KIF13A: variants seen among roughly 807,000 people sequenced by gnomAD.
The protein encoded by KIF13A is kinesin-like protein KIF13A.
A neutral mutation model predicts 212.2 loss-of-function variants in KIF13A; 79 were observed. That is an observed-to-expected ratio of 0.37 (90% CI 0.31 to 0.45). The LOEUF (loss-of-function observed/expected upper bound fraction) is 0.45, where lower values mean the gene tolerates loss of function less well. Among genes scored for constraint, KIF13A ranks in the 20% least tolerant of loss-of-function variants. KIF13A has a pLI of 1.00. For missense variants in KIF13A, 1,901 were observed against 2,209.0 expected (o/e 0.86, Z 2.79); for synonymous variants, 789 against 808.6 (o/e 0.98, Z 0.41).
At chr6:17,887,691 T>C (rs186817944) in intron 3 of KIF13A, among the ~76,000 whole-genome samples, 2 of 152,248 alleles carry the variant, frequency 1.3e-5, no homozygotes, top group Admixed American at 6.5e-5. Context: ...TTCCTTTACA[T>C]ACATCTTGAT....
rs1202537616 is a variant in KIF13A at position 17,850,421 on chromosome 6, G to T, written c.619C>A (p.Arg207=). The change falls in exon 8 of 39, where the codon CGA becomes AGA. Residue 207 remains arginine (R), a synonymous_variant. Coordinates refer to ENST00000259711, the MANE Select transcript of KIF13A (RefSeq NM_022113.6). This position sits in a 1 kb window ranked among gnomAD's most constrained non-coding sequence, Gnocchi z 6.2. Reference sequence around the variant, plus strand: ...TTCATGTTGGTAGCAGCTACCGTTCGAGACTTATTTCCCTCAGACATCAAT... The same window carrying T: ...TTCATGTTGGTAGCAGCTACCGTTCTAGACTTATTTCCCTCAGACATCAAT... ...ESLMSEGNKS[R]TVAATNMNEE... is the part of the protein sequence containing the mutation. 5 of 1,613,688 alleles carry T rather than the reference G, an allele frequency of 3.1e-6. No homozygotes were observed. The highest frequency in any genetic ancestry group is 4.2e-6 in the Non-Finnish European group (5 of 1,179,770).
At position 17,874,977 on chromosome 6, in the gene KIF13A, CCACACA is replaced by C. The variant is rs879821124; in HGVS notation, c.160-1546_160-1541del. ...CTTTTTATGGCTAAGTAGTATTCCA[CCACACA>C]CACACACACGCACACGCACGCACAC... On this transcript the variant is annotated intron_variant, in intron 3 of 38. Transcript: ENST00000259711. 4.4e-5 allele frequency among the ~76,000 whole-genome samples: 4 copies of C among 90,690 alleles called. No homozygotes were observed. The East Asian group carries it at 1.3e-3, about 29-fold the overall frequency. 59.5% of individuals were successfully genotyped at this position (90,690 alleles called of 152,430 possible).
rs1775626248 is a variant in KIF13A, at chr6:17,927,895, C to A, written c.147-29715G>T. Among the ~76,000 whole-genome samples the A allele has an allele frequency of 2.0e-5, 3 of 152,224 alleles. No individual in the cohort carries two copies. In the South Asian group the frequency reaches 6.2e-4, roughly 32 times the overall value. ...AGCCCGTGCAGCACCAGAGCAGCACCCCCTACACTCCAGAGGCTGGCACCA... is the reference window on the plus strand; with the variant it reads ...AGCCCGTGCAGCACCAGAGCAGCACACCCTACACTCCAGAGGCTGGCACCA... On this transcript the variant is annotated intron_variant, in intron 2 of 38. Transcript: ENST00000259711.
chr6:17,779,052 T>G lies in KIF13A; in HGVS notation c.3987A>C (p.Ala1329=), dbSNP rs1414578730. ...EDRETLALLA[A]RSENEGTSDG... Reference sequence around the variant, plus strand: ...CTGATGTGCCTTCGTTTTCACTCCTTGCTGCCAGGAGAGCCAGCGTTTCCC... The same window carrying G: ...CTGATGTGCCTTCGTTTTCACTCCTGGCTGCCAGGAGAGCCAGCGTTTCCC... The change falls in exon 33 of 39, where the codon GCA becomes GCC. Residue 1329 remains alanine (A), a synonymous_variant. Transcript: ENST00000259711. 6.2e-7 allele frequency: 1 copy of G among 1,613,696 alleles called. No homozygotes were observed. Among genetic ancestry groups the G allele is most frequent in the Non-Finnish European group, 8.5e-7 (1 of 1,179,790 alleles).
chr6:17,831,293 G>A, intron 12 of KIF13A, 58 bp from the exon 13 acceptor site: 7 of 1,571,074 alleles, frequency 4.5e-6, no homozygotes, highest in Non-Finnish European at 3.5e-6. Flanking sequence ...TTCACAAGAT[G>A]TATCCACGGA....
Position 17,888,809 on chromosome 6 carries a change from A to G in KIF13A, c.159+9359T>C, listed in dbSNP as rs996262261. 6.6e-6 allele frequency among the ~76,000 whole-genome samples: 1 copy of G among 152,210 alleles called. No homozygotes were observed. Among genetic ancestry groups the G allele is most frequent in the Non-Finnish European group, 1.5e-5 (1 of 68,046 alleles). On this transcript the variant is annotated intron_variant, in intron 3 of 38. Transcript: ENST00000259711. This position sits in a 1 kb window ranked among gnomAD's most constrained non-coding sequence, Gnocchi z 4.8. ...CACTGCACTCCAGCCTGGGTGACAG[A>G]GTGAGACCCTATCTCAAAAAAACAA...
intron 16 of KIF13A, among the ~76,000 whole-genome samples, chr6:17,821,589 T>TGTGTGTGTGTGTGTGTGTGTGTGTGTC (rs1379143941): frequency 2.4e-5 from 1 of 42,342 alleles, no homozygotes; most frequent in Non-Finnish European, 5.6e-5. Flanking sequence ...GTGTGTGTGT[T>TGTGTGTGTGTGTGTGTGTGTGTGTGTC]GGGGGTGGGG....
intron 2 of KIF13A, among the ~76,000 whole-genome samples, chr6:17,975,283 G>A (rs572898411): frequency 3.1e-4 from 47 of 152,298 alleles, no homozygotes; most frequent in Middle Eastern, 3.4e-3. Context: ...AATCTGGGAG[G>A]TGAAGGTTGC....
rs1272791250 is a variant in KIF13A, at chr6:17,769,637, G to A, written c.4581+1477C>T. Among the ~76,000 whole-genome samples, 7 of 152,208 alleles carry A rather than the reference G, an allele frequency of 4.6e-5. No individual in the cohort carries two copies. The highest frequency in any genetic ancestry group is 1.7e-4 in the African/African-American group (7 of 41,454). ...GGTCATCCAGCAGTGTCTTGATGGT[G>A]TTGTACCAAAATGTATCGTTGCAAT... On this transcript the variant is annotated intron_variant, in intron 38 of 38. Transcript: ENST00000259711. This position sits in a 1 kb window ranked among gnomAD's most constrained non-coding sequence, Gnocchi z 5.8.
At chr6:17,945,820 C>T (rs1374918181) in intron 2 of KIF13A, among the ~76,000 whole-genome samples, 1 of 152,078 alleles carries the variant, frequency 6.6e-6, no homozygotes, top group African/African-American at 2.4e-5. Context: ...TGTGGCACTG[C>T]CTCAGAGACA....
Position 17,804,503 on chromosome 6 carries a change from C to G in KIF13A, c.2312G>C (p.Arg771Thr), listed in dbSNP as rs9358140. 29 of 1,594,984 alleles carry G rather than the reference C, an allele frequency of 1.8e-5. No individual in the cohort carries two copies. In the Admixed American group the frequency reaches 3.8e-4, roughly 21 times the overall value. The change falls in exon 20 of 39, where the codon AGA becomes ACA. Residue 771 changes from arginine to threonine, a missense_variant. Arg to Thr is a moderately conservative substitution (Grantham distance 71). Coordinates refer to ENST00000259711, the MANE Select transcript of KIF13A (RefSeq NM_022113.6). The part of the protein sequence containing the change: ...EWKEKVPEAK[R>T]LYGKRGDPFY... ...AGGGTCACCTCGTTTTCCGTAGAGT[C>G]TCTTTGCCTGAGAAGTAGGAGGGGC...
chr6:17,855,310 G>A lies in KIF13A; in HGVS notation c.494+127C>T. The A allele has an allele frequency of 1.4e-6, 1 of 690,932 alleles. No individual in the cohort carries two copies. The highest frequency in any genetic ancestry group is 2.3e-6 in the Non-Finnish European group (1 of 427,576). 42.8% of individuals were successfully genotyped at this position (690,932 alleles called of 1,614,324 possible). On this transcript the variant is annotated intron_variant, in intron 6 of 38. Coordinates refer to ENST00000259711, the MANE Select transcript of KIF13A (RefSeq NM_022113.6). This position sits in a 1 kb window ranked among gnomAD's most constrained non-coding sequence, Gnocchi z 4.1. ...GCTTTGAGAAGCTGATGATTTTTCT[G>A]TAAATGAATGAAAACCAGTGTAGTC...
chr6:17,868,220 T>C (rs1769609797), intron 4 of KIF13A, among the ~76,000 whole-genome samples: 1 of 152,258 alleles, frequency 6.6e-6, no homozygotes, highest in Non-Finnish European at 1.5e-5. Context: ...GACTGCTTTT[T>C]TTTTATTTTT....
rs1030134023 is a variant in KIF13A, at chr6:17,982,645, T to C, written c.146+4409A>G. 1.3e-5 allele frequency among the ~76,000 whole-genome samples: 2 copies of C among 152,182 alleles called. No homozygotes were observed. Among genetic ancestry groups the C allele is most frequent in the Non-Finnish European group, 2.9e-5 (2 of 68,028 alleles). On this transcript the variant is annotated intron_variant, in intron 2 of 38. Coordinates refer to ENST00000259711, the MANE Select transcript of KIF13A (RefSeq NM_022113.6). The surrounding 1 kb of genome is among the most constrained non-coding windows in gnomAD (Gnocchi z 5.1). ...TTTTATTTTTACACAGTAGGTTAGA[T>C]ATGCACTTTATTTTGGAGTCTTACC...
chr6:17,833,759 G>A (rs1027066785), intron 12 of KIF13A, among the ~76,000 whole-genome samples: 1 of 150,230 alleles, frequency 6.7e-6, no homozygotes, highest in African/African-American at 2.4e-5. Flanking sequence ...GGGAGGCTAC[G>A]GCATGCGAAC....
intron 35 of KIF13A, among the ~76,000 whole-genome samples, chr6:17,774,118 G>A (rs1171612601): frequency 2.6e-5 from 4 of 152,178 alleles, no homozygotes; most frequent in Admixed American, 2.0e-4. Context: ...CATATCATAC[G>A]AGCTTACTTA....
Position 17,909,764 on chromosome 6 carries a change from C to T in KIF13A, c.147-11584G>A, listed in dbSNP as rs183490603. On this transcript the variant is annotated intron_variant, in intron 2 of 38. Transcript: ENST00000259711. ...CAAAAATTAGCCAGGTGTGGTGGTG[C>T]GTGCCTGTAGTTCCAGCTACTTGGG... Among the ~76,000 whole-genome samples the T allele has an allele frequency of 2.9e-3, 439 of 151,724 alleles. 1 individual carries two copies. The Middle Eastern group carries it at 0.034, about 12-fold the overall frequency.
At position 17,919,576 on chromosome 6, in the gene KIF13A, C is replaced by T. The variant is rs1326362787; in HGVS notation, c.147-21396G>A. On this transcript the variant is annotated intron_variant, in intron 2 of 38. Transcript: ENST00000259711. This position sits in a 1 kb window ranked among gnomAD's most constrained non-coding sequence, Gnocchi z 4.1. ...ATCAAAAATAGATGTTCTACAGCCC[C>T]AAGGGGTCAGCCATGTCTCCACTCC... Among the ~76,000 whole-genome samples the T allele has an allele frequency of 6.6e-6, 1 of 152,150 alleles. No homozygotes were observed. Among genetic ancestry groups the T allele is most frequent in the African/African-American group, 2.4e-5 (1 of 41,428 alleles).
At chr6:17,804,189 C>T (rs1048613741) in intron 20 of KIF13A, among the ~76,000 whole-genome samples, 172 bp downstream of exon 20, 1 of 151,640 alleles carries the variant, frequency 6.6e-6, no homozygotes, top group African/African-American at 2.4e-5. Context: ...TGACTTAATC[C>T]TCAAAGCTTC....
Sources: gnomAD v4.1 joint callset for allele counts (sites outside exome capture counted in the v4.1 genomes callset) on GRCh38, gnomAD v4.1.1 for gene constraint, Gnocchi (gnomAD v3.1) non-coding constraint, MANE v1.5 for transcripts, NCBI Gene and HGNC (gene_info 2026-07-23, HGNC 2026-07-21) for gene names.